ART1: variants seen among roughly 807,000 people sequenced by gnomAD.
ART1 encodes the protein ADP-ribosyltransferase 1, also known as GPI-linked NAD(P)(+)--arginine ADP-ribosyltransferase 1.
Under a neutral mutation model 27.0 loss-of-function variants are expected in ART1, and 29 were observed. The ratio of observed to expected loss-of-function variants is 1.08; its 90% CI spans 0.80 to 1.47. ART1 has a LOEUF of 1.47. ART1 is among the 40% of genes most tolerant of loss of function. ART1 has a pLI of 0.00. For missense variants in ART1, 480 were observed against 423.0 expected (o/e 1.13, Z -1.18); for synonymous variants, 201 against 172.2 (o/e 1.17, Z -1.31).
chr11:3,650,688 T>G (rs61878531), intron 1 of ART1, among the ~76,000 whole-genome samples: 13,002 of 152,082 alleles, frequency 0.085, 639 homozygotes, highest in Non-Finnish European at 0.11. Flanking sequence ...ACCTGCCCAG[T>G]TCCCTTATTA....
intron 1 of ART1, among the ~76,000 whole-genome samples, chr11:3,649,204 T>C (rs1391691685): frequency 6.6e-6 from 1 of 152,260 alleles, no homozygotes; most frequent in Admixed American, 6.5e-5. Flanking sequence ...CCTTAGCCTG[T>C]GCTCTCAAGA....
chr11:3,660,407 C>T, intron 3 of ART1, 44 bp downstream of exon 3: 1 of 1,558,742 alleles, frequency 6.4e-7, no homozygotes, highest in African/African-American at 1.4e-5. Flanking sequence ...GAAGGTGGAC[C>T]TTCCACATCC....
chr11:3,663,313 C>A (rs916990515), intron 4 of ART1, among the ~76,000 whole-genome samples: 3 of 152,136 alleles, frequency 2.0e-5, no homozygotes, highest in Non-Finnish European at 4.4e-5. Flanking sequence ...AGCTTCCAAC[C>A]CAGGCATCTT....
In ART1 at chr11:3,664,347, G is replaced by A. The variant is rs2077645308; in HGVS notation, c.*158G>A. 2.9e-6 allele frequency: 2 copies of A among 685,912 alleles called. No individual in the cohort carries two copies. Among genetic ancestry groups the A allele is most frequent in the Non-Finnish European group, 2.5e-6 (1 of 401,984 alleles). 42.5% of individuals were successfully genotyped at this position (685,912 alleles called of 1,614,324 possible). ...GCCAGACCGGCTGGTGGAGAAACAG[G>A]AGACAATCTGGGGACTGAACCTTAC... On this transcript the variant is annotated 3_prime_UTR_variant, in exon 5 of 5. Coordinates refer to ENST00000250693, the MANE Select transcript of ART1 (RefSeq NM_004314.3).
At position 3,659,151 on chromosome 11, in the gene ART1, C is replaced by T. The variant is rs970940777; in HGVS notation, c.-52-11C>T. The T allele has an allele frequency of 6.6e-7, 1 of 1,504,184 alleles. No homozygotes were observed. The highest frequency in any genetic ancestry group is 9.2e-7 in the Non-Finnish European group (1 of 1,082,638). 93.2% of individuals were successfully genotyped at this position (1,504,184 alleles called of 1,614,324 possible). On this transcript the variant is annotated splice_polypyrimidine_tract_variant and intron_variant, in intron 1 of 4. Coordinates refer to ENST00000250693, the MANE Select transcript of ART1 (RefSeq NM_004314.3). ...TATTAAACTATACAGATTAACACTG[C>T]AATTTTCCAGATGAGGAAACTGAGA...
At chr11:3,649,961 C>T (rs749782435) in intron 1 of ART1, among the ~76,000 whole-genome samples, 1 of 152,190 alleles carries the variant, frequency 6.6e-6, no homozygotes, top group African/African-American at 2.4e-5. Context: ...CTGCTCCTGA[C>T]ATTAAATAAA....
chr11:3,655,759 A>G (rs530169837), intron 1 of ART1: 2 of 152,198 alleles, frequency 1.3e-5, no homozygotes, highest in South Asian at 2.1e-4. Flanking sequence ...CAATGGTCAA[A>G]GCCTTAGGGC....
intron 1 of ART1, among the ~76,000 whole-genome samples, chr11:3,656,671 T>G (rs1378797750): frequency 6.6e-6 from 1 of 152,098 alleles, no homozygotes; most frequent in African/African-American, 2.4e-5. Flanking sequence ...TTTTTATTTT[T>G]AGTAGCAATG....
chr11:3,662,457 AT>A (rs1295168345), intron 4 of ART1, among the ~76,000 whole-genome samples: 5 of 152,128 alleles, frequency 3.3e-5, no homozygotes, highest in Non-Finnish European at 7.4e-5. Flanking sequence ...GCTTCCTCTG[AT>A]CCACTCCAGG....
rs1020008360 is a variant in ART1 at position 3,659,727 on chromosome 11, C to T, written c.208C>T (p.Gln70Ter). 1 of 1,613,986 alleles carries T rather than the reference C, an allele frequency of 6.2e-7. No individual in the cohort carries two copies. Among genetic ancestry groups the T allele is most frequent in the African/African-American group, 1.3e-5 (1 of 75,052 alleles). The change falls in exon 3 of 5, where the codon CAG becomes TAG. Residue 70 changes from glutamine (Q) to a stop codon, truncating the protein, a stop_gained. Transcript: ENST00000250693. LOFTEE classifies it high-confidence loss of function. ...ALPDLNHTEF[Q>*]ANQVYADSWT... Reference sequence around the variant, plus strand: ...CCCGGATCTCAACCACACGGAGTTCCAGGCCAACCAGGTGTATGCAGACAG... The same window carrying T: ...CCCGGATCTCAACCACACGGAGTTCTAGGCCAACCAGGTGTATGCAGACAG...
At chr11:3,661,266 C>A (rs891824000) in intron 3 of ART1, 106 bp from the exon 4 acceptor site, 24 of 1,056,096 alleles carry the variant, frequency 2.3e-5, no homozygotes, top group Non-Finnish European at 3.0e-5. Context: ...GGGAAATGCA[C>A]CAACTTCTCC....
chr11:3,661,443 G>C (rs769681590), intron 4 of ART1, 30 bp downstream of exon 4: 1 of 1,519,720 alleles, frequency 6.6e-7, no homozygotes, highest in South Asian at 1.1e-5. Flanking sequence ...GTGGGACTCA[G>C]TTCAGGGATG....
chr11:3,661,359 T>A lies in ART1; in HGVS notation c.845-13T>A, dbSNP rs759441349. The A allele has an allele frequency of 6.2e-7, 1 of 1,610,794 alleles. No homozygotes were observed. Among genetic ancestry groups the A allele is most frequent in the South Asian group, 1.1e-5 (1 of 90,466 alleles). ...TCCTGAGCCTTTCATTCTTTACTGT[T>A]TCTTTTCTATAGACAAGAAGTGCAA... On this transcript the variant is annotated splice_polypyrimidine_tract_variant and intron_variant, in intron 3 of 4. Transcript: ENST00000250693.
intron 4 of ART1, among the ~76,000 whole-genome samples, chr11:3,663,025 C>T (rs2077631066): frequency 7.2e-6 from 1 of 138,448 alleles, no homozygotes; most frequent in Admixed American, 7.2e-5. Context: ...ATCATCTCAT[C>T]TCATCTCATC....
Position 3,659,943 on chromosome 11 carries a change from C to T in ART1, c.424C>T (p.Arg142Trp), listed in dbSNP as rs760397227. 4.6e-5 allele frequency: 74 copies of T among 1,613,740 alleles called. No individual in the cohort carries two copies. The Middle Eastern group carries it at 1.2e-3, about 25-fold the overall frequency. ...NAAVREAGRS[R>W]AHYLHHFSFK... ...AGCCGTGCGTGAGGCGGGCCGCTCCCGGGCCCACTACCTCCACCACTTCTC... is the reference window on the plus strand; with the variant it reads ...AGCCGTGCGTGAGGCGGGCCGCTCCTGGGCCCACTACCTCCACCACTTCTC... The change falls in exon 3 of 5, where the codon CGG becomes TGG. Residue 142 changes from arginine (R) to tryptophan (W), a missense_variant. Transcript: ENST00000250693.
chr11:3,654,630 A>G (rs202189366), intron 1 of ART1, among the ~76,000 whole-genome samples: 7 of 1,134 alleles, frequency 6.2e-3, no homozygotes, highest in Non-Finnish European at 8.5e-3. Context: ...CCTCACTGCC[A>G]TTCTCCCATC....
intron 3 of ART1, 145 bp downstream of exon 3, chr11:3,660,508 A>T: frequency 1.0e-6 from 1 of 974,086 alleles, no homozygotes; most frequent in Non-Finnish European, 1.5e-6. Context: ...AACCCCTTCC[A>T]TCTAAGGGGA....
intron 1 of ART1, among the ~76,000 whole-genome samples, chr11:3,658,459 G>A (rs1168859153): frequency 6.6e-6 from 1 of 152,190 alleles, no homozygotes; most frequent in Non-Finnish European, 1.5e-5. Context: ...AGCAAAGAGG[G>A]TGTGGAAGGC....
chr11:3,650,774 TC>T (rs1013826267), intron 1 of ART1, among the ~76,000 whole-genome samples: 1 of 150,620 alleles, frequency 6.6e-6, no homozygotes, highest in African/African-American at 2.4e-5. Flanking sequence ...TGCCACCTTT[TC>T]CCCCAGTTCA....
Sources: allele counts gnomAD v4.1 joint callset (sites outside exome capture counted in the v4.1 genomes callset), GRCh38; gene constraint gnomAD v4.1.1; transcripts MANE v1.5; gene names NCBI Gene and HGNC (gene_info 2026-07-23, HGNC 2026-07-21).